Variants in SLC25A53 observed in about 807,000 individuals in gnomAD.
SLC25A53 encodes solute carrier family 25 member 53.
SLC25A53 carries 5 observed loss-of-function variants against 15.0 expected under a neutral mutation model. The observed-to-expected ratio is 0.33, with a 90% CI of 0.17 to 0.70. SLC25A53 has a LOEUF of 0.70. Among genes scored for constraint, SLC25A53 ranks in the 30% least tolerant of loss-of-function variants. SLC25A53 has a pLI of 0.67. For missense variants in SLC25A53, 216 were observed against 241.6 expected (o/e 0.89, Z 0.70); for synonymous variants, 95 against 100.0 (o/e 0.95, Z 0.30).
chrX:104,151,462 C>G lies in SLC25A53; in HGVS notation c.-32+5416G>C, dbSNP rs2075484584. On this transcript the variant is annotated intron_variant, in intron 1 of 1. Transcript: ENST00000594199. ...CCTTTTCCTCCTCTCCTTTACAGTT[C>G]TCACTCACTTGATGCAAGGACTCTT... 2.7e-5 allele frequency among the ~76,000 whole-genome samples: 3 copies of G among 111,665 alleles called. No individual in the cohort carries two copies. The South Asian group carries it at 1.1e-3, about 42-fold the overall frequency.
At chrX:104,128,263 G>C (rs2075416457) in intron 1 of SLC25A53, among the ~76,000 whole-genome samples, 1 of 111,328 alleles carries the variant, frequency 9.0e-6, no homozygotes, top group East Asian at 2.8e-4. Context: ...AGTACTTTTA[G>C]ACCCTAAAGA....
rs1216650568 is a variant in SLC25A53 at position 104,114,300 on chromosome X, C to G, written c.-31-9012G>C. On this transcript the variant is annotated intron_variant, in intron 1 of 1. Coordinates refer to ENST00000594199, the MANE Select transcript of SLC25A53 (RefSeq NM_001012755.5). ...CCCAGGGGAAAGAAACCTTTGAAAA[C>G]TGGCTGATCCAAGTCAATGAGGTCC... 5.0e-6 allele frequency: 6 copies of G among 1,209,304 alleles called. No homozygotes were observed. The African/African-American group carries it at 1.1e-4, about 21-fold the overall frequency.
chrX:104,124,971 T>C (rs1218570479), intron 1 of SLC25A53, among the ~76,000 whole-genome samples: 2 of 105,077 alleles, frequency 1.9e-5, no homozygotes, highest in Non-Finnish European at 3.9e-5. Flanking sequence ...GCCTTCCTAG[T>C]AGCTGGGATT....
chrX:104,105,152 C>T lies in SLC25A53; in HGVS notation c.106G>A (p.Val36Ile), dbSNP rs782741069. Residue 36 changes from valine (V) to isoleucine (I), a missense_variant, in exon 2 of 2, where the codon GTT becomes ATT. Coordinates refer to ENST00000594199, the MANE Select transcript of SLC25A53 (RefSeq NM_001012755.5). ...AGAAAAGTAGACATAAAGTTGGAAACGGCCCCAAGGGCATAGGCCTGGGAA... is the reference window on the plus strand; with the variant it reads ...AGAAAAGTAGACATAAAGTTGGAAATGGCCCCAAGGGCATAGGCCTGGGAA... ...WHSQAYALGA[V>I]SNFMSTFLTF... The T allele has an allele frequency of 5.0e-5, 61 of 1,210,802 alleles. 1 individual carries two copies. Among genetic ancestry groups the T allele is most frequent in the Admixed American group, 4.6e-4 (21 of 45,934 alleles).
At chrX:104,148,792 C>A (rs1556369811) in intron 1 of SLC25A53, among the ~76,000 whole-genome samples, 1 of 111,430 alleles carries the variant, frequency 9.0e-6, no homozygotes, top group African/African-American at 3.3e-5. Context: ...TGTAACAAAC[C>A]TGCACGTTGT....
chrX:104,107,393 C>T lies in SLC25A53; in HGVS notation c.-31-2105G>A, dbSNP rs781928606. On this transcript the variant is annotated intron_variant, in intron 1 of 1. Transcript: ENST00000594199. ...CTGCCTCTGACCCTTTAGCTGAGAA[C>T]TGAGCAGGAGTAAAAACTCAAGAGG... 7.1e-5 allele frequency among the ~76,000 whole-genome samples: 8 copies of T among 111,890 alleles called. No homozygotes were observed. The East Asian group carries it at 2.3e-3, about 32-fold the overall frequency.
At chrX:104,147,385 C>A (rs1406545470) in intron 1 of SLC25A53, among the ~76,000 whole-genome samples, 3 of 111,488 alleles carry the variant, frequency 2.7e-5, no homozygotes, top group African/African-American at 6.5e-5. Context: ...AGGACATAGG[C>A]ATGGGCAAGA....
intron 1 of SLC25A53, among the ~76,000 whole-genome samples, chrX:104,111,848 T>C (rs1569460527): frequency 1.8e-5 from 2 of 112,081 alleles, no homozygotes; most frequent in Admixed American, 9.4e-5. Flanking sequence ...ATCTGTGAAA[T>C]GGAGATAATG....
At chrX:104,109,552 G>A (rs1479513689) in intron 1 of SLC25A53, among the ~76,000 whole-genome samples, 2 of 112,214 alleles carry the variant, frequency 1.8e-5, no homozygotes, top group African/African-American at 6.5e-5. Flanking sequence ...CAATTAAATT[G>A]TTCTAAAGGC....
chrX:104,133,805 T>C (rs1261330455), intron 1 of SLC25A53, among the ~76,000 whole-genome samples: 1 of 111,431 alleles, frequency 9.0e-6, no homozygotes, highest in Non-Finnish European at 1.9e-5. Context: ...TTTCAATTGC[T>C]CCTCCTGTAA....
At chrX:104,124,434 T>G (rs973659747) in intron 1 of SLC25A53, among the ~76,000 whole-genome samples, 12 of 111,788 alleles carry the variant, frequency 1.1e-4, no homozygotes, top group African/African-American at 3.9e-4. Context: ...AATTGGTTAA[T>G]GTTTTACTGG....
chrX:104,144,658 CACTA>C (rs1227638889), intron 1 of SLC25A53, among the ~76,000 whole-genome samples: 1 of 111,001 alleles, frequency 9.0e-6, no homozygotes, highest in South Asian at 3.8e-4. Context: ...GGGGAAGTCT[CACTA>C]ACTATTTTCA....
chrX:104,130,856 T>C (rs1206839803), intron 1 of SLC25A53: 1 of 112,018 alleles, frequency 8.9e-6, no homozygotes, highest in Non-Finnish European at 1.9e-5. Context: ...CGTGCATGTA[T>C]GGTTTCCACT....
At chrX:104,107,690 A>G (rs1311184803) in intron 1 of SLC25A53, among the ~76,000 whole-genome samples, 1 of 112,281 alleles carries the variant, frequency 8.9e-6, no homozygotes, top group Non-Finnish European at 1.9e-5. Context: ...ATGTTCACTG[A>G]CACCATGAGG....
At chrX:104,129,526 A>G (rs2075419737) in intron 1 of SLC25A53, among the ~76,000 whole-genome samples, 1 of 110,593 alleles carries the variant, frequency 9.0e-6, no homozygotes. Context: ...CGAAAAGAAC[A>G]CTTGCTTACA....
At chrX:104,152,078 G>A (rs193046341) in intron 1 of SLC25A53, among the ~76,000 whole-genome samples, 3 of 111,361 alleles carry the variant, frequency 2.7e-5, no homozygotes, top group African/African-American at 9.8e-5. Context: ...TTTTTGTTTC[G>A]TGTTGTTTTT....
At chrX:104,114,426 C>A (rs1556360458) in intron 1 of SLC25A53, 5 of 1,211,946 alleles carry the variant, frequency 4.1e-6, no homozygotes, top group Non-Finnish European at 4.5e-6. Flanking sequence ...AGGCGGCCAA[C>A]CCCAACCTAA....
intron 1 of SLC25A53, among the ~76,000 whole-genome samples, chrX:104,121,425 T>C (rs950976574): frequency 2.7e-5 from 3 of 111,273 alleles, no homozygotes; most frequent in Non-Finnish European, 5.7e-5. Context: ...GATTATTTCC[T>C]GAGGATACAT....
At chrX:104,127,169 G>A (rs1556364585) in intron 1 of SLC25A53, among the ~76,000 whole-genome samples, 1 of 112,307 alleles carries the variant, frequency 8.9e-6, no homozygotes, top group Admixed American at 9.4e-5. Context: ...CTACTCAGTT[G>A]GAACAAATTA....
Sources: gnomAD v4.1 joint callset for allele counts (sites outside exome capture counted in the v4.1 genomes callset) on GRCh38, gnomAD v4.1.1 for gene constraint, MANE v1.5 for transcripts, NCBI Gene and HGNC (gene_info 2026-07-23, HGNC 2026-07-21) for gene names.